The following SGCZ variants were observed in gnomAD, a reference collection of about 807,000 sequenced individuals.
The protein encoded by SGCZ is zeta-sarcoglycan.
SGCZ carries 40 observed loss-of-function variants against 41.3 expected under a neutral mutation model. The observed-to-expected ratio is 0.97, with a 90% CI of 0.75 to 1.26. The LOEUF is 1.26. Among genes scored for constraint, SGCZ ranks in the 50% most tolerant of loss-of-function variants. The pLI is 0.00. For missense variants in SGCZ, 552 were observed against 369.8 expected, an observed-to-expected ratio of 1.49 and a Z score of -4.04; for synonymous variants, 206 against 137.5, an observed-to-expected ratio of 1.50 and a Z score of -3.49.
intron 5 of SGCZ, among the ~76,000 whole-genome samples, chr8:14,116,604 T>C (rs532689247): frequency 7.0e-4 from 106 of 152,262 alleles, no homozygotes; most frequent in African/African-American, 2.5e-3. Context: ...TGTGTGTTAA[T>C]GCCCAGATAA....
At chr8:14,135,914 T>C (rs558149694) in intron 5 of SGCZ, among the ~76,000 whole-genome samples, 14 of 152,014 alleles carry the variant, frequency 9.2e-5, no homozygotes, top group Non-Finnish European at 1.3e-4. Context: ...TAAAAGGAGT[T>C]AGCACCAATT....
chr8:15,045,273 C>T (rs930984961), intron 1 of SGCZ, among the ~76,000 whole-genome samples: 3 of 151,960 alleles, frequency 2.0e-5, no homozygotes, highest in African/African-American at 7.3e-5. Flanking sequence ...AGATCAGAGA[C>T]CTTTTACAGA....
chr8:14,623,268 G>A (rs1806344298), intron 1 of SGCZ, among the ~76,000 whole-genome samples: 1 of 152,124 alleles, frequency 6.6e-6, no homozygotes, highest in South Asian at 2.1e-4. Context: ...TAAGTAGCAG[G>A]AAAGCAACAT....
chr8:14,219,242 A>G (rs1044585902), intron 4 of SGCZ, among the ~76,000 whole-genome samples: 4 of 152,150 alleles, frequency 2.6e-5, no homozygotes, highest in Non-Finnish European at 5.9e-5. Context: ...TCTCACCACA[A>G]AAAGTCATGG....
intron 1 of SGCZ, among the ~76,000 whole-genome samples, chr8:15,121,743 G>C (rs1442171486): frequency 6.6e-6 from 1 of 152,052 alleles, no homozygotes; most frequent in Non-Finnish European, 1.5e-5. Flanking sequence ...GGACAAATGA[G>C]TGGAAATTGT....
intron 3 of SGCZ, chr8:14,309,742 A>C: frequency 2.5e-6 from 4 of 1,596,348 alleles, no homozygotes; most frequent in Non-Finnish European, 3.4e-6. Context: ...GCTGAACCAA[A>C]GCCTCTTCAA....
chr8:14,946,632 C>T (rs1563382389), intron 1 of SGCZ, among the ~76,000 whole-genome samples: 1 of 151,626 alleles, frequency 6.6e-6, no homozygotes. Flanking sequence ...ACAGGATTGG[C>T]ACTGCTTCAT....
At chr8:14,938,177 G>C (rs1267108094) in intron 1 of SGCZ, among the ~76,000 whole-genome samples, 4 of 152,238 alleles carry the variant, frequency 2.6e-5, no homozygotes, top group Non-Finnish European at 4.4e-5. Flanking sequence ...AATACATTAT[G>C]TTCATCTACT....
At chr8:14,946,675 A>ATT (rs5889556) in intron 1 of SGCZ, among the ~76,000 whole-genome samples, 8,280 of 132,204 alleles carry the variant, frequency 0.063, 385 homozygotes, top group Non-Finnish European at 0.087. Context: ...AGAAATCTGT[A>ATT]TTTTTTTTTT....
In SGCZ at chr8:14,121,497, C is replaced by G. The variant is rs1464406993; in HGVS notation, c.548-13262G>C. Reference sequence around the variant, plus strand: ...TTTTTAAAAAATATGTGATATCTTACCACACTTCCATGCTTCTTTCAAATT... The same window carrying G: ...TTTTTAAAAAATATGTGATATCTTAGCACACTTCCATGCTTCTTTCAAATT... On this transcript the variant is annotated intron_variant, in intron 5 of 7. Coordinates refer to ENST00000382080, the MANE Select transcript of SGCZ (RefSeq NM_139167.4). Among the ~76,000 whole-genome samples, 3 of 152,222 alleles carry G rather than the reference C, an allele frequency of 2.0e-5. No homozygotes were observed. In the East Asian group the frequency reaches 5.8e-4, roughly 29 times the overall value.
chr8:15,152,277 T>C (rs1378231319), intron 1 of SGCZ, among the ~76,000 whole-genome samples: 1 of 152,128 alleles, frequency 6.6e-6, no homozygotes, highest in Non-Finnish European at 1.5e-5. Context: ...TAAAACATGA[T>C]GAACTAAGGG....
At chr8:14,457,007 C>A (rs1800765192) in intron 2 of SGCZ, among the ~76,000 whole-genome samples, 1 of 152,112 alleles carries the variant, frequency 6.6e-6, no homozygotes, top group African/African-American at 2.4e-5. Flanking sequence ...TCCAGTGGGG[C>A]TGTGGGCGAC....
At chr8:14,732,054 T>C (rs776696961) in intron 1 of SGCZ, among the ~76,000 whole-genome samples, 1 of 152,216 alleles carries the variant, frequency 6.6e-6, no homozygotes, top group African/African-American at 2.4e-5. Flanking sequence ...CTTGTTGAGC[T>C]TTCTCTTTAG....
chr8:14,790,858 C>T (rs767980025), intron 1 of SGCZ, among the ~76,000 whole-genome samples: 2 of 151,796 alleles, frequency 1.3e-5, no homozygotes, highest in Admixed American at 6.6e-5. Context: ...TGGTGAAACT[C>T]GGTCTCTACT....
Position 14,566,744 on chromosome 8 carries a change from C to T in SGCZ, c.40-11818G>A, listed in dbSNP as rs576959545. Among the ~76,000 whole-genome samples the T allele has an allele frequency of 8.5e-5, 13 of 152,360 alleles. No homozygotes were observed. In the East Asian group the frequency reaches 9.7e-4, roughly 11 times the overall value. The stretch of plus-strand genomic sequence containing the variant: ...GCCGTACTTGAGGAGCCCTTCAGCC[C>T]GCCGCTGCACTGTGGGAGCCCCTTT... On this transcript the variant is annotated intron_variant, in intron 1 of 7. Coordinates refer to ENST00000382080, the MANE Select transcript of SGCZ (RefSeq NM_139167.4).
intron 3 of SGCZ, among the ~76,000 whole-genome samples, chr8:14,257,368 A>G (rs1799502871): frequency 6.6e-6 from 1 of 151,820 alleles, no homozygotes; most frequent in African/African-American, 2.4e-5. Context: ...AAGAAGAAAG[A>G]AAACAAAACA....
chr8:14,279,130 G>A (rs898187161), intron 3 of SGCZ, among the ~76,000 whole-genome samples: 5 of 151,950 alleles, frequency 3.3e-5, no homozygotes, highest in Non-Finnish European at 5.9e-5. Context: ...AATCAGAGCC[G>A]GAGATAAAAG....
chr8:14,319,172 T>C (rs554416220), intron 3 of SGCZ, among the ~76,000 whole-genome samples: 16 of 152,020 alleles, frequency 1.1e-4, no homozygotes, highest in African/African-American at 3.9e-4. Flanking sequence ...TGAAAAGCTA[T>C]TAAGTGGCAA....
chr8:15,029,759 G>T (rs1803591239), intron 1 of SGCZ, among the ~76,000 whole-genome samples: 1 of 151,944 alleles, frequency 6.6e-6, no homozygotes, highest in South Asian at 2.1e-4. Flanking sequence ...TCTCTGTTTT[G>T]GGTAGCACAG....
Sources: gnomAD v4.1 joint callset for allele counts (sites outside exome capture counted in the v4.1 genomes callset) on GRCh38, gnomAD v4.1.1 for gene constraint, MANE v1.5 for transcripts, NCBI Gene and HGNC (gene_info 2026-07-23, HGNC 2026-07-21) for gene names.